Variants in EYS observed in about 807,000 individuals in gnomAD.
The protein encoded by EYS is protein eyes shut homolog.
In EYS, 250 loss-of-function variants were observed where a neutral mutation model predicts 282.1. That is an observed-to-expected ratio of 0.89 (90% CI 0.80 to 0.98). EYS has a LOEUF of 0.98. Among genes scored for constraint, EYS ranks in the 50% least tolerant of loss-of-function variants. The pLI is 0.00. For synonymous variants in EYS, 1,355 were observed against 1,282.9 expected, an observed-to-expected ratio of 1.06 and a Z score of -1.20; for missense variants, 4,016 against 3,709.0, an observed-to-expected ratio of 1.08 and a Z score of -2.15.
At chr6:65,081,194 A>G (rs1273979154) in intron 12 of EYS, among the ~76,000 whole-genome samples, 1 of 152,090 alleles carries the variant, frequency 6.6e-6, no homozygotes, top group Non-Finnish European at 1.5e-5. Flanking sequence ...TGTGATCATT[A>G]TGTGTCAGAT....
At chr6:64,635,402 GT>G (rs1281301842) in intron 22 of EYS, among the ~76,000 whole-genome samples, 2 of 152,148 alleles carry the variant, frequency 1.3e-5, no homozygotes, top group African/African-American at 4.8e-5. Context: ...TCTTGTGCCG[GT>G]TTTCAAAGGG....
intron 13 of EYS, among the ~76,000 whole-genome samples, chr6:65,052,657 A>T (rs937394472): frequency 2.6e-5 from 4 of 151,690 alleles, no homozygotes; most frequent in African/African-American, 9.7e-5. Context: ...TATAATAATT[A>T]TATCAGGGAA....
chr6:65,228,054 G>C (rs1462532834), intron 12 of EYS, among the ~76,000 whole-genome samples: 1 of 151,460 alleles, frequency 6.6e-6, no homozygotes, highest in Non-Finnish European at 1.5e-5. Flanking sequence ...GTTTTAAAAT[G>C]GGTTAAAATG....
At chr6:65,530,851 C>T (rs374710117) in intron 2 of EYS, among the ~76,000 whole-genome samples, 3 of 152,172 alleles carry the variant, frequency 2.0e-5, no homozygotes, top group African/African-American at 7.2e-5. Context: ...GTTCCTTGTG[C>T]TTGCACTTAA....
intron 35 of EYS, among the ~76,000 whole-genome samples, chr6:63,891,794 G>T (rs1459181920): frequency 6.6e-6 from 1 of 151,732 alleles, no homozygotes; most frequent in Non-Finnish European, 1.5e-5. Context: ...AATTCAAATT[G>T]CCTGTTTGAG....
At chr6:64,624,148 C>T (rs764189312) in intron 23 of EYS, among the ~76,000 whole-genome samples, 2 of 152,098 alleles carry the variant, frequency 1.3e-5, no homozygotes, top group Non-Finnish European at 2.9e-5. Flanking sequence ...CAGGTGGTAT[C>T]ATTTTGAGAT....
chr6:65,069,657 T>C (rs1773849719), intron 12 of EYS, among the ~76,000 whole-genome samples: 1 of 151,952 alleles, frequency 6.6e-6, no homozygotes, highest in African/African-American at 2.4e-5. Flanking sequence ...GCTTTGGTCA[T>C]GGGCTCTCTT....
intron 14 of EYS, among the ~76,000 whole-genome samples, chr6:64,986,488 G>A (rs1251750131): frequency 9.6e-6 from 1 of 104,492 alleles, no homozygotes; most frequent in East Asian, 2.9e-4. Context: ...ATACTGTAAA[G>A]GCAGTCCTAT....
chr6:63,774,899 T>TAAAA (rs11418361), intron 40 of EYS, among the ~76,000 whole-genome samples: 1 of 141,684 alleles, frequency 7.1e-6, no homozygotes, highest in Admixed American at 7.1e-5. Context: ...TTTATTTACC[T>TAAAA]AAAAAAAAAA....
chr6:64,987,061 C>G (rs1375558820), intron 14 of EYS, among the ~76,000 whole-genome samples: 1 of 151,408 alleles, frequency 6.6e-6, no homozygotes, highest in Non-Finnish European at 1.5e-5. Context: ...ATTTCAAAAG[C>G]TTTGGATTCT....
chr6:65,469,698 T>C (rs1419458154), intron 5 of EYS, among the ~76,000 whole-genome samples: 7 of 152,094 alleles, frequency 4.6e-5, no homozygotes, highest in African/African-American at 1.7e-4. Flanking sequence ...TACTGGTGAA[T>C]ACCATTCAGC....
chr6:65,107,574 A>G (rs1561969178), intron 12 of EYS, among the ~76,000 whole-genome samples: 1 of 151,796 alleles, frequency 6.6e-6, no homozygotes, highest in Non-Finnish European at 1.5e-5. Flanking sequence ...ATTATAATGT[A>G]TTATAATATA....
At chr6:63,788,301 AAATGTT>A in intron 38 of EYS, 52 bp from the exon 39 acceptor site, 1 of 1,361,752 alleles carries the variant, frequency 7.3e-7, no homozygotes, top group Non-Finnish European at 1.0e-6. Context: ...CCCCAGGGTG[AAATGTT>A]AAGATACTCT....
intron 35 of EYS, among the ~76,000 whole-genome samples, chr6:63,942,505 T>C (rs1765272633): frequency 6.6e-6 from 1 of 152,152 alleles, no homozygotes; most frequent in Admixed American, 6.6e-5. Flanking sequence ...AGATGTGTGC[T>C]TCCAATCAGT....
At chr6:64,658,798 G>T (rs531899034) in intron 22 of EYS, among the ~76,000 whole-genome samples, 3 of 152,050 alleles carry the variant, frequency 2.0e-5, no homozygotes, top group African/African-American at 4.8e-5. Flanking sequence ...CTACTTGGGG[G>T]TCACCCCACT....
intron 2 of EYS, among the ~76,000 whole-genome samples, chr6:65,621,945 ATCTTT>A (rs1766515231): frequency 6.6e-6 from 1 of 152,158 alleles, no homozygotes; most frequent in African/African-American, 2.4e-5. Flanking sequence ...GCTTTCACTA[ATCTTT>A]CCTTGTGGCA....
intron 14 of EYS, among the ~76,000 whole-genome samples, chr6:64,959,535 G>A (rs1769842620): frequency 6.6e-6 from 1 of 152,152 alleles, no homozygotes; most frequent in South Asian, 2.1e-4. Flanking sequence ...TGGGTAAAAT[G>A]CCCTAGGCAG....
chr6:63,765,054 G>A (rs571202435), intron 40 of EYS, among the ~76,000 whole-genome samples: 1 of 149,758 alleles, frequency 6.7e-6, no homozygotes, highest in Non-Finnish European at 1.5e-5. Context: ...CTGAGGAGGA[G>A]TAGATTTTGT....
intron 31 of EYS, among the ~76,000 whole-genome samples, chr6:64,197,367 C>T (rs1765323094): frequency 6.6e-6 from 1 of 152,096 alleles, no homozygotes. Context: ...ATTTGGTTCT[C>T]CACTGGAAAT....
Sources: allele counts gnomAD v4.1 joint callset (sites outside exome capture counted in the v4.1 genomes callset), GRCh38; gene constraint gnomAD v4.1.1; transcripts MANE v1.5; gene names NCBI Gene and HGNC (gene_info 2026-07-23, HGNC 2026-07-21).